The following HELZ variants were observed in gnomAD, a reference collection of about 807,000 sequenced individuals.
The protein encoded by HELZ is ATP-dependent RNA helicase with zinc finger domain.
HELZ carries 23 observed loss-of-function variants against 218.2 expected under a neutral mutation model. That is an observed-to-expected ratio of 0.11 (90% CI 0.08 to 0.15). HELZ has a LOEUF of 0.15. Ranked by LOEUF, HELZ falls within the 10% of genes least tolerant of loss-of-function variation. HELZ has a pLI of 1.00. For missense variants in HELZ, 1,813 were observed against 2,353.7 expected, an observed-to-expected ratio of 0.77 and a Z score of 4.75; for synonymous variants, 814 against 829.4, an observed-to-expected ratio of 0.98 and a Z score of 0.32.
In HELZ at chr17:67,136,134, CTGTT is replaced by C; in HGVS notation, c.3014_3017del (p.Lys1005ArgfsTer18). ...GTTGCTCTTTCTTTTTAATTGGTGT[CTGTT>C]TATGTTTACAAGTATGTCTTGTACG... On this transcript the variant is annotated frameshift_variant, in exon 23 of 33. Transcript: ENST00000358691. LOFTEE classifies it high-confidence loss of function. 2 of 1,613,984 alleles carry C rather than the reference CTGTT, an allele frequency of 1.2e-6. No homozygotes were observed. Among genetic ancestry groups the C allele is most frequent in the Non-Finnish European group, 1.7e-6 (2 of 1,179,920 alleles).
intron 18 of HELZ, 128 bp downstream of exon 18, chr17:67,150,918 C>A: frequency 1.4e-6 from 1 of 716,732 alleles, no homozygotes; most frequent in South Asian, 1.9e-5. Flanking sequence ...ATAAATGAGC[C>A]AGTAAAACTT....
intron 3 of HELZ, among the ~76,000 whole-genome samples, chr17:67,232,207 A>G (rs1862105939): frequency 6.6e-6 from 1 of 151,840 alleles, no homozygotes; most frequent in Admixed American, 6.6e-5. Context: ...GCAGTGGCAC[A>G]ATCTCAGCTC....
At chr17:67,195,169 C>T (rs145302275) in intron 8 of HELZ, among the ~76,000 whole-genome samples, 1 of 152,326 alleles carries the variant, frequency 6.6e-6, no homozygotes, top group Admixed American at 6.5e-5. Context: ...TTTAGTCCTA[C>T]ACGGAGGCAA....
chr17:67,123,867 A>T (rs1053011249), intron 25 of HELZ, 96 bp downstream of exon 25: 1 of 793,168 alleles, frequency 1.3e-6, no homozygotes, highest in Non-Finnish European at 2.2e-6. Context: ...GAGAGAGAGA[A>T]ACCATCTCCC....
rs1203014095 is a variant in HELZ at position 67,109,599 on chromosome 17, T to G, written c.4006A>C (p.Asn1336His). ...AGATTTATGTGTCTTGGGTTGAGAT[T>G]ATCTTTGCGAGGAAATTTGGTACTG... is the stretch of plus-strand genomic sequence containing the variant. ...YPSTKFPRKD[N>H]LNPRHINLPL... Residue 1336 changes from asparagine (N) to histidine (H), a missense_variant, in exon 29 of 33, where the codon AAT (asparagine) becomes CAT (histidine). Physicochemically the swap from Asn to His is moderately conservative, Grantham distance 68. This residue lies in a region of HELZ where 938 missense variants were observed against 1,027.5 expected (regional missense o/e 0.91). Transcript: ENST00000358691. 3 of 1,614,202 alleles carry G rather than the reference T, an allele frequency of 1.9e-6. No individual in the cohort carries two copies. Among genetic ancestry groups the G allele is most frequent in the Non-Finnish European group, 2.5e-6 (3 of 1,180,034 alleles).
chr17:67,166,426 T>C (rs2144144730), intron 15 of HELZ, 52 bp downstream of exon 15: 1 of 1,470,634 alleles, frequency 6.8e-7, no homozygotes, highest in East Asian at 2.3e-5. Flanking sequence ...GATACAGATA[T>C]TCAATTTAAT....
intron 28 of HELZ, among the ~76,000 whole-genome samples, chr17:67,111,004 C>T (rs1005108767): frequency 3.9e-5 from 6 of 152,054 alleles, no homozygotes; most frequent in Admixed American, 3.9e-4. Context: ...TGGAATATTC[C>T]AAGGAGAGAA....
In HELZ at chr17:67,076,840, C is replaced by A. The variant is rs2036030369; in HGVS notation, c.*1412G>T. The A allele has an allele frequency of 6.6e-6, 1 of 151,992 alleles. No individual in the cohort carries two copies. The allele number at this position is 151,992 out of a possible 1,614,324, so 9.4% of individuals were successfully genotyped here. ...AAGATTGGGTTCATTCGAAAGGTTC[C>A]CCAGCCTCATCTTATTTTTTTTTAA... On this transcript the variant is annotated 3_prime_UTR_variant, in exon 33 of 33. Transcript: ENST00000358691.
intron 31 of HELZ, among the ~76,000 whole-genome samples, chr17:67,089,688 GAGAGAGAGAGAGACAGAGAGAC>G (rs1185666697): frequency 3.8e-5 from 5 of 130,194 alleles, no homozygotes; most frequent in Non-Finnish European, 6.2e-5. Flanking sequence ...GAGAGAGAGA[GAGAGAGAGAGAGACAGAGAGAC>G]AGAGAGAGAG....
At chr17:67,097,224 G>T (rs550655183) in intron 31 of HELZ, among the ~76,000 whole-genome samples, 2 of 152,226 alleles carry the variant, frequency 1.3e-5, no homozygotes, top group East Asian at 3.9e-4. Context: ...AACAGATAAA[G>T]AAATAATGAA....
rs1354452693 is a variant in HELZ at position 67,101,555 on chromosome 17, T to TA, written c.5241+5613dup. ...GAAGAAATACATCTTACTCAGAGGT[T>TA]AGAGTATTAAATTATCATGCAAAGT... On this transcript the variant is annotated intron_variant, in intron 31 of 32. Transcript: ENST00000358691. Among the ~76,000 whole-genome samples the TA allele has an allele frequency of 6.6e-5, 10 of 152,332 alleles. No homozygotes were observed. The South Asian group carries it at 1.2e-3, about 19-fold the overall frequency.
intron 4 of HELZ, 60 bp downstream of exon 4, chr17:67,218,535 C>A: frequency 7.8e-7 from 1 of 1,274,340 alleles, no homozygotes; most frequent in South Asian, 1.2e-5. Flanking sequence ...ATCGTCACCC[C>A]TCAATGAAAA....
intron 31 of HELZ, among the ~76,000 whole-genome samples, chr17:67,089,655 A>G (rs1263616093): frequency 2.4e-5 from 2 of 83,370 alleles, no homozygotes; most frequent in Non-Finnish European, 4.5e-5. Context: ...TTTTATATAT[A>G]TATATATATA....
At chr17:67,241,807 T>G (rs1300615076) in intron 2 of HELZ, among the ~76,000 whole-genome samples, 2 of 152,222 alleles carry the variant, frequency 1.3e-5, no homozygotes, top group Non-Finnish European at 2.9e-5. Context: ...AGCTCTGTCT[T>G]TATTCAGCTC....
At chr17:67,144,754 C>A (rs2038442618) in intron 21 of HELZ, among the ~76,000 whole-genome samples, 1 of 152,078 alleles carries the variant, frequency 6.6e-6, no homozygotes, top group Non-Finnish European at 1.5e-5. Flanking sequence ...CCACCCATAC[C>A]ATGGCTAATT....
intron 17 of HELZ, among the ~76,000 whole-genome samples, chr17:67,155,827 ACT>A (rs2038823484): frequency 6.6e-6 from 1 of 151,010 alleles, no homozygotes; most frequent in African/African-American, 2.4e-5. Context: ...ACAAAGCAAG[ACT>A]CTGTCTTAAA....
intron 7 of HELZ, among the ~76,000 whole-genome samples, chr17:67,197,237 T>C (rs2040054916): frequency 6.6e-6 from 1 of 152,186 alleles, no homozygotes; most frequent in Admixed American, 6.5e-5. Flanking sequence ...CCCCTTTCAC[T>C]TGACTCTCAT....
At chr17:67,112,534 G>A (rs1471541905) in intron 28 of HELZ, among the ~76,000 whole-genome samples, 1 of 152,184 alleles carries the variant, frequency 6.6e-6, no homozygotes, top group Non-Finnish European at 1.5e-5. Context: ...TCCCTTGGCT[G>A]CCTCATTTGT....
chr17:67,108,470 TA>T lies in HELZ; in HGVS notation c.4724+21del. ...AGTGAGGGGGTCGCATTCCAGGGGCTATTTTCAGTCCGCTGGAATACCTTGA... is the reference window on the plus strand; with the variant it reads ...AGTGAGGGGGTCGCATTCCAGGGGCTTTTTCAGTCCGCTGGAATACCTTGA... On this transcript the variant is annotated intron_variant, in intron 30 of 32. Coordinates refer to ENST00000358691, the MANE Select transcript of HELZ (RefSeq NM_014877.4). The surrounding 1 kb of genome is among the most constrained non-coding windows in gnomAD (Gnocchi z 4.1). 16 of 1,569,130 alleles carry T rather than the reference TA, an allele frequency of 1.0e-5. No homozygotes were observed. Among genetic ancestry groups the T allele is most frequent in the Non-Finnish European group, 1.4e-5 (16 of 1,139,846 alleles).
Sources: gnomAD v4.1 joint callset for allele counts (sites outside exome capture counted in the v4.1 genomes callset) on GRCh38, gnomAD v4.1.1 for gene constraint, gnomAD v4.1.1 regional missense constraint, Gnocchi (gnomAD v3.1) non-coding constraint, MANE v1.5 for transcripts, NCBI Gene and HGNC (gene_info 2026-07-23, HGNC 2026-07-21) for gene names.